The following FBXO9 variants were observed in gnomAD, a reference collection of about 807,000 sequenced individuals.
FBXO9 encodes F-box only protein 9.
A neutral mutation model predicts 63.7 loss-of-function variants in FBXO9; 43 were observed. The ratio of observed to expected loss-of-function variants is 0.67; its 90% CI spans 0.53 to 0.87. The LOEUF (loss-of-function observed/expected upper bound fraction) is 0.87. Among genes scored for constraint, FBXO9 ranks in the 40% least tolerant of loss-of-function variants. The pLI is 0.00. For missense variants in FBXO9, 442 were observed against 533.2 expected, an observed-to-expected ratio of 0.83 and a Z score of 1.68; for synonymous variants, 156 against 171.7, an observed-to-expected ratio of 0.91 and a Z score of 0.72.
In FBXO9 at chr6:53,078,744, A is replaced by G. The variant is rs1181274420; in HGVS notation, c.308-55A>G. ...TTAAACCACAGTTAAGGGTAATCAA[A>G]GGAAATGACAAAAATGTGTGGTCAC... is the stretch of plus-strand genomic sequence containing the variant. On this transcript the variant is annotated intron_variant, in intron 4 of 12. Coordinates refer to ENST00000323557, the MANE Select transcript of FBXO9 (RefSeq NM_033480.3). 5.2e-6 allele frequency: 7 copies of G among 1,343,188 alleles called. No individual in the cohort carries two copies. In the African/African-American group the frequency reaches 8.6e-5, roughly 17 times the overall value. The allele number at this position is 1,343,188 out of a possible 1,614,324, so 83.2% of individuals were successfully genotyped here. A position where few individuals can be genotyped will look rare whatever the true frequency, so the allele number is the denominator to read the frequency against.
At chr6:53,083,087 T>C (rs926394707) in intron 7 of FBXO9, among the ~76,000 whole-genome samples, 3 of 152,180 alleles carry the variant, frequency 2.0e-5, no homozygotes, top group African/African-American at 4.8e-5. Context: ...CGGCTAGCCA[T>C]GTGCAGAAGA....
rs1279193963 is a variant in FBXO9 at position 53,073,516 on chromosome 6, T to G, written c.126T>G (p.Phe42Leu). The G allele has an allele frequency of 3.7e-6, 6 of 1,613,854 alleles. No individual in the cohort carries two copies. The highest frequency in any genetic ancestry group is 5.1e-6 in the Non-Finnish European group (6 of 1,179,814). The change falls in exon 3 of 13, where the codon TTT becomes TTG. Residue 42 changes from phenylalanine (F) to leucine (L), a missense_variant. Phe to Leu is a conservative substitution (Grantham distance 22). This residue lies in a region of FBXO9 where 180 missense variants were observed against 171.1 expected (regional missense o/e 1.05). Coordinates refer to ENST00000323557, the MANE Select transcript of FBXO9 (RefSeq NM_033480.3). ...AGATGTTCCGAGCTCAGTGGATGTT[T>G]GAACTTGCTCCAGGTGTAAGCTCTA... ...QLQMFRAQWM[F>L]ELAPGVSSSN... is the part of the protein sequence containing the mutation.
chr6:53,090,507 A>G (rs1011850097), intron 7 of FBXO9, among the ~76,000 whole-genome samples: 1 of 152,242 alleles, frequency 6.6e-6, no homozygotes, highest in Admixed American at 6.5e-5. Context: ...GCTTAAAAAC[A>G]AAAACAAAGA....
chr6:53,087,443 G>T (rs928527228), intron 7 of FBXO9, among the ~76,000 whole-genome samples: 2 of 151,872 alleles, frequency 1.3e-5, no homozygotes, highest in Non-Finnish European at 2.9e-5. Flanking sequence ...TGACAAAAAG[G>T]TTGAAAGAGA....
Position 53,076,527 on chromosome 6 carries a change from T to G in FBXO9, c.291T>G (p.Asn97Lys), listed in dbSNP as rs747438029. 7 of 1,549,398 alleles carry G rather than the reference T, an allele frequency of 4.5e-6. No homozygotes were observed. Among genetic ancestry groups the G allele is most frequent in the Non-Finnish European group, 6.0e-6 (7 of 1,158,534 alleles). Reference protein sequence around the residue: ...LFLKAVEEEQNGALYEAIKFY... With the variant: ...LFLKAVEEEQKGALYEAIKFY... The stretch of plus-strand genomic sequence containing the variant: ...TAAAAGCAGTAGAAGAAGAACAAAA[T>G]GGAGCTCTCTATGAAGGTAAAAATT... Residue 97 changes from asparagine (N) to lysine (K), a missense_variant, in exon 4 of 13, where the codon AAT becomes AAG. By Grantham distance (94) the Asn-to-Lys change is moderately conservative. Coordinates refer to ENST00000323557, the MANE Select transcript of FBXO9 (RefSeq NM_033480.3).
intron 11 of FBXO9, 37 bp downstream of exon 11, chr6:53,094,015 TTAA>T: frequency 1.5e-6 from 2 of 1,334,162 alleles, no homozygotes; most frequent in African/African-American, 2.9e-5. Flanking sequence ...TTTTCTTATC[TTAA>T]TAGCCTATTC....
intron 7 of FBXO9, among the ~76,000 whole-genome samples, chr6:53,088,672 A>G (rs1762958885): frequency 6.8e-6 from 1 of 146,324 alleles, no homozygotes; most frequent in Non-Finnish European, 1.5e-5. Flanking sequence ...GATCTTGGCT[A>G]ATTGCAACCT....
At chr6:53,076,023 C>T (rs1374199932) in intron 3 of FBXO9, among the ~76,000 whole-genome samples, 3 of 151,976 alleles carry the variant, frequency 2.0e-5, no homozygotes, top group Non-Finnish European at 2.9e-5. Context: ...GGATTACAGG[C>T]GTGAGCCACC....
intron 11 of FBXO9, 62 bp downstream of exon 11, chr6:53,094,040 C>A: frequency 9.8e-7 from 1 of 1,021,752 alleles, no homozygotes; most frequent in Non-Finnish European, 1.4e-6. Flanking sequence ...TCCAAGCAGT[C>A]TCGATTAGAA....
rs755980710 is a variant in FBXO9 at position 53,097,904 on chromosome 6, ATG to A, written c.*85_*86del. On this transcript the variant is annotated 3_prime_UTR_variant, in exon 13 of 13. Coordinates refer to ENST00000323557, the MANE Select transcript of FBXO9 (RefSeq NM_033480.3). ...GCGCAAAAGAGCACCTAAGTTATAA[ATG>A]TGTGTGTGTGCGTGTGTGTGTATAT... The A allele has an allele frequency of 1.4e-5, 3 of 219,868 alleles. No homozygotes were observed. Among genetic ancestry groups the A allele is most frequent in the Non-Finnish European group, 2.3e-5 (3 of 128,302 alleles). The allele number at this position is 219,868 out of a possible 1,614,324, so 13.6% of individuals were successfully genotyped here.
chr6:53,097,884 A>C lies in FBXO9; in HGVS notation c.*54A>C. 1 of 800,632 alleles carries C rather than the reference A, an allele frequency of 1.2e-6. No individual in the cohort carries two copies. The highest frequency in any genetic ancestry group is 1.9e-6 in the Non-Finnish European group (1 of 527,438). 49.6% of individuals were successfully genotyped at this position (800,632 alleles called of 1,614,324 possible). On this transcript the variant is annotated 3_prime_UTR_variant, in exon 13 of 13. Coordinates refer to ENST00000323557, the MANE Select transcript of FBXO9 (RefSeq NM_033480.3). ...TGCATGAATTAAAGTATATAGCGCA[A>C]AAGAGCACCTAAGTTATAAATGTGT...
intron 3 of FBXO9, among the ~76,000 whole-genome samples, chr6:53,074,148 T>A (rs1769016177): frequency 6.6e-6 from 1 of 152,186 alleles, no homozygotes; most frequent in Non-Finnish European, 1.5e-5. Flanking sequence ...CTGAAAATAT[T>A]TTGAATGCTG....
intron 5 of FBXO9, among the ~76,000 whole-genome samples, 194 bp downstream of exon 5, chr6:53,079,092 A>G (rs928545074): frequency 6.6e-6 from 1 of 151,722 alleles, no homozygotes; most frequent in African/African-American, 2.4e-5. Context: ...TTTTAAACAG[A>G]TACAAAAATA....
At chr6:53,073,773 G>T in intron 3 of FBXO9, 134 bp downstream of exon 3, 2 of 726,368 alleles carry the variant, frequency 2.8e-6, no homozygotes, top group Admixed American at 2.9e-5. Context: ...TAAAAATTTT[G>T]ACTAGTATAC....
Position 53,097,717 on chromosome 6 carries a change from T to C in FBXO9, c.1206-5T>C. ...TACTAGTAATTTTGTGCTTTTTTTT[T>C]ACAGATCAACTGGTGAGACTGCAGT... On this transcript the variant is annotated splice_region_variant and splice_polypyrimidine_tract_variant and intron_variant, in intron 12 of 12. Coordinates refer to ENST00000323557, the MANE Select transcript of FBXO9 (RefSeq NM_033480.3). The C allele has an allele frequency of 6.3e-7, 1 of 1,575,502 alleles. No homozygotes were observed. Among genetic ancestry groups the C allele is most frequent in the Non-Finnish European group, 8.7e-7 (1 of 1,155,450 alleles).
intron 3 of FBXO9, 77 bp downstream of exon 3, chr6:53,073,716 A>G (rs995036515): frequency 8.8e-6 from 11 of 1,253,488 alleles, no homozygotes; most frequent in Middle Eastern, 2.2e-4. Flanking sequence ...CACAGTAAGT[A>G]GGCATTATAA....
Position 53,065,582 on chromosome 6 carries a change from TG to T in FBXO9, c.-206del. ...GCCGCCACCCCAGCGCGCCCCGATC[TG>T]GCCCCCTGCCCCGCGAAGATGGCTG... On this transcript the variant is annotated 5_prime_UTR_variant, in exon 1 of 13. The change abolishes the stop of an existing upstream ORF in the 5' untranslated region. Coordinates refer to ENST00000323557, the MANE Select transcript of FBXO9 (RefSeq NM_033480.3). 1.9e-6 allele frequency: 1 copy of T among 522,292 alleles called. No individual in the cohort carries two copies. Among genetic ancestry groups the T allele is most frequent in the Non-Finnish European group, 3.0e-6 (1 of 335,270 alleles). 32.4% of individuals were successfully genotyped at this position (522,292 alleles called of 1,614,324 possible).
chr6:53,066,114 CAAGGGATTTTATCAG>C, intron 1 of FBXO9: 1 of 1,159,238 alleles, frequency 8.6e-7, no homozygotes, highest in Non-Finnish European at 1.1e-6. Flanking sequence ...TCGGTCCTCT[CAAGGGATTTTATCAG>C]AAGCATTGAG....
chr6:53,076,601 TAAC>T, intron 4 of FBXO9, 58 bp downstream of exon 4: 1 of 1,257,454 alleles, frequency 8.0e-7, no homozygotes, highest in Non-Finnish European at 1.1e-6. Flanking sequence ...ACTCTGTTAT[TAAC>T]CATATTTTTT....
Sources: gnomAD v4.1 joint callset for allele counts (sites outside exome capture counted in the v4.1 genomes callset) on GRCh38, gnomAD v4.1.1 for gene constraint, gnomAD v4.1.1 regional missense constraint, MANE v1.5 for transcripts, NCBI Gene and HGNC (gene_info 2026-07-23, HGNC 2026-07-21) for gene names.